Variants in MAPK10 observed in about 807,000 individuals in gnomAD.
The protein encoded by MAPK10 is JNK3 alpha protein kinase.
MAPK10 carries 25 observed loss-of-function variants against 59.3 expected under a neutral mutation model. That is an observed-to-expected ratio of 0.42 (90% CI 0.31 to 0.59). MAPK10 has a LOEUF of 0.59. Ranked by LOEUF, MAPK10 falls within the 20% of genes least tolerant of loss-of-function variation. The probability of loss-of-function intolerance (pLI) is 0.15; values close to 1 mark genes in which losing one functional copy is unlikely to be tolerated. For missense variants in MAPK10, 351 were observed against 568.9 expected, an observed-to-expected ratio of 0.62 and a Z score of 3.90; for synonymous variants, 190 against 200.5, an observed-to-expected ratio of 0.95 and a Z score of 0.44.
intron 1 of MAPK10, among the ~76,000 whole-genome samples, chr4:86,473,621 T>G (rs1233417809): frequency 3.3e-5 from 5 of 152,196 alleles, no homozygotes; most frequent in Non-Finnish European, 7.3e-5. Flanking sequence ...CACCAACTCA[T>G]GTGCCTTTCT....
chr4:86,169,102 CA>C (rs1225023549), intron 3 of MAPK10, among the ~76,000 whole-genome samples: 1 of 151,998 alleles, frequency 6.6e-6, no homozygotes, highest in Non-Finnish European at 1.5e-5. Flanking sequence ...GATAAAACCA[CA>C]AAGATGGGGA....
chr4:86,278,018 T>C (rs919276381), intron 2 of MAPK10, among the ~76,000 whole-genome samples: 1 of 152,084 alleles, frequency 6.6e-6, no homozygotes, highest in Non-Finnish European at 1.5e-5. Context: ...ACCTCAGTTA[T>C]AAGTAAAACA....
intron 1 of MAPK10, among the ~76,000 whole-genome samples, chr4:86,424,065 G>A (rs901792577): frequency 6.6e-6 from 1 of 151,982 alleles, no homozygotes; most frequent in African/African-American, 2.4e-5. Flanking sequence ...TATCTAAGGT[G>A]TTTTAGTCCA....
intron 1 of MAPK10, among the ~76,000 whole-genome samples, chr4:86,380,896 T>C (rs564991833): frequency 1.4e-5 from 2 of 147,008 alleles, no homozygotes; most frequent in South Asian, 2.2e-4. Context: ...AGTTCATACA[T>C]CCTGCATTTA....
chr4:86,033,660 T>A (rs1387138595), intron 11 of MAPK10, among the ~76,000 whole-genome samples: 3 of 152,224 alleles, frequency 2.0e-5, no homozygotes, highest in Admixed American at 2.0e-4. Flanking sequence ...AGTGCTGAGT[T>A]CAAGATTTTT....
At chr4:86,043,830 A>G (rs993466799) in intron 11 of MAPK10, among the ~76,000 whole-genome samples, 5 of 152,274 alleles carry the variant, frequency 3.3e-5, no homozygotes, top group African/African-American at 7.2e-5. Context: ...GTGGATTTTC[A>G]TATATTATCT....
At chr4:86,296,091 G>A (rs745772260) in intron 2 of MAPK10, among the ~76,000 whole-genome samples, 37 of 150,324 alleles carry the variant, frequency 2.5e-4, no homozygotes, top group Non-Finnish European at 3.5e-4. Context: ...CAGGAGAATC[G>A]CTTGAACCCG....
At chr4:86,297,913 G>A (rs6856862) in intron 2 of MAPK10, among the ~76,000 whole-genome samples, 3,268 of 152,182 alleles carry the variant, frequency 0.021, 112 homozygotes, top group African/African-American at 0.073. Flanking sequence ...ACTGGCCCCT[G>A]CTTATTTCTC....
intron 1 of MAPK10, among the ~76,000 whole-genome samples, chr4:86,505,289 CT>C (rs1275036626): frequency 6.6e-6 from 1 of 152,104 alleles, no homozygotes; most frequent in African/African-American, 2.4e-5. Flanking sequence ...CATGTACCCC[CT>C]GAATCTAAAA....
At chr4:86,070,874 C>T (rs991556952) in intron 9 of MAPK10, among the ~76,000 whole-genome samples, 4 of 152,016 alleles carry the variant, frequency 2.6e-5, no homozygotes, top group African/African-American at 9.7e-5. Context: ...GTCTTTATAG[C>T]AGCATGATTT....
intron 9 of MAPK10, among the ~76,000 whole-genome samples, chr4:86,088,373 C>G (rs1160538246): frequency 1.3e-5 from 2 of 152,012 alleles, no homozygotes; most frequent in African/African-American, 2.4e-5. Context: ...TTTGTAGAGA[C>G]AAGGGTCTTG....
At chr4:86,371,648 T>G (rs2869439) in intron 1 of MAPK10, among the ~76,000 whole-genome samples, 110,915 of 152,004 alleles carry the variant, frequency 0.73, 41,072 homozygotes, top group South Asian at 0.9. Context: ...CAATACAGCA[T>G]GCAGGTGATT....
At chr4:86,402,506 G>C (rs1743853376) in intron 1 of MAPK10, among the ~76,000 whole-genome samples, 1 of 152,174 alleles carries the variant, frequency 6.6e-6, no homozygotes, top group Non-Finnish European at 1.5e-5. Flanking sequence ...TGCTAAACCT[G>C]TGAGCAGAAA....
In MAPK10 at chr4:86,558,502, G is replaced by A. The variant is rs541065890; in HGVS notation, c.-263+35408C>T. On this transcript the variant is annotated intron_variant, in intron 1 of 4. Transcript: ENST00000502302. ...ATTAGTATGAGATTTGCCCAATGAC[G>A]TAGAATAAATCAGAGACACATTTAG... 7.9e-5 allele frequency among the ~76,000 whole-genome samples: 12 copies of A among 152,194 alleles called. No individual in the cohort carries two copies. In the South Asian group the frequency reaches 1.5e-3, roughly 18 times the overall value.
chr4:86,126,577 C>T (rs906875164), intron 4 of MAPK10, among the ~76,000 whole-genome samples: 2 of 152,054 alleles, frequency 1.3e-5, no homozygotes, highest in East Asian at 1.9e-4. Context: ...TCTAAGCTAG[C>T]GTATATTAAT....
At chr4:86,063,767 C>CTAGTT (rs2046186624) in intron 11 of MAPK10, among the ~76,000 whole-genome samples, 1 of 152,128 alleles carries the variant, frequency 6.6e-6, no homozygotes, top group Non-Finnish European at 1.5e-5. Context: ...TACTGAAATA[C>CTAGTT]CCACTTCTAG....
At chr4:86,346,069 A>G (rs1728011398) in intron 2 of MAPK10, among the ~76,000 whole-genome samples, 1 of 152,232 alleles carries the variant, frequency 6.6e-6, no homozygotes, top group Admixed American at 6.5e-5. Flanking sequence ...CTTAAATTAT[A>G]ACACAGAGTC....
intron 1 of MAPK10, among the ~76,000 whole-genome samples, chr4:86,564,137 C>T (rs1760891690): frequency 6.6e-6 from 1 of 152,092 alleles, no homozygotes; most frequent in Non-Finnish European, 1.5e-5. Flanking sequence ...TGGCCCAAAA[C>T]TTATGAATTG....
At chr4:86,222,502 T>G (rs1291172996) in intron 2 of MAPK10, among the ~76,000 whole-genome samples, 1 of 152,188 alleles carries the variant, frequency 6.6e-6, no homozygotes, top group Non-Finnish European at 1.5e-5. Context: ...GGCATCGCCT[T>G]AGGGTCACTG....
Sources: gnomAD v4.1 joint callset for allele counts (sites outside exome capture counted in the v4.1 genomes callset) on GRCh38, gnomAD v4.1.1 for gene constraint, MANE v1.5 for transcripts, NCBI Gene and HGNC (gene_info 2026-07-23, HGNC 2026-07-21) for gene names.